Variants in TNS3 observed in about 807,000 individuals in gnomAD.
TNS3 encodes the protein tensin-3.
A neutral mutation model predicts 140.9 loss-of-function variants in TNS3; 45 were observed. The observed-to-expected ratio is 0.32, with a 90% CI of 0.25 to 0.41. TNS3 has a LOEUF of 0.41. Ranked by LOEUF, TNS3 falls within the 10% of genes least tolerant of loss-of-function variation. The probability of loss-of-function intolerance (pLI) is 1.00; values close to 1 mark genes in which losing one functional copy is unlikely to be tolerated. For synonymous variants in TNS3, 815 were observed against 788.4 expected (o/e 1.03, Z -0.56); for missense variants, 1,716 against 1,906.7 (o/e 0.90, Z 1.86).
At chr7:47,334,892 C>A (rs1259967103) in intron 20 of TNS3, among the ~76,000 whole-genome samples, 1 of 152,064 alleles carries the variant, frequency 6.6e-6, no homozygotes, top group Non-Finnish European at 1.5e-5. Context: ...CAGGCATGAG[C>A]CACTGCGCCT....
chr7:47,346,346 A>G lies in TNS3; in HGVS notation c.2292T>C (p.Ala764=). 1 of 1,614,082 alleles carries G rather than the reference A, an allele frequency of 6.2e-7. No homozygotes were observed. The highest frequency in any genetic ancestry group is 8.5e-7 in the Non-Finnish European group (1 of 1,179,976). ...SRATGRQGSS[A]EQPLGGRLRK... ...TGAGTCTCCCGCCCAGGGGCTGTTC[A>G]GCAGAGGAGCCTGTTAAAAGGGAGA... is the stretch of plus-strand genomic sequence containing the variant. Residue 764 remains alanine, a synonymous_variant, in exon 18 of 31, where the codon GCT becomes GCC. Coordinates refer to ENST00000311160, the MANE Select transcript of TNS3 (RefSeq NM_022748.12).
intron 1 of TNS3, among the ~76,000 whole-genome samples, chr7:47,536,157 GTTTGACCACTAAACT>G (rs1447402207): frequency 6.6e-6 from 1 of 152,202 alleles, no homozygotes; most frequent in Non-Finnish European, 1.5e-5. Flanking sequence ...AGGCAGCAGC[GTTTGACCACTAAACT>G]TTAAAAGGGA....
At chr7:47,561,291 T>A (rs145610363) in intron 1 of TNS3, among the ~76,000 whole-genome samples, 7 of 152,236 alleles carry the variant, frequency 4.6e-5, no homozygotes, top group Non-Finnish European at 1.0e-4. Context: ...TCACACTGCC[T>A]TTGGCCACCA....
At chr7:47,333,320 C>T (rs1788444369) in intron 20 of TNS3, among the ~76,000 whole-genome samples, 1 of 152,148 alleles carries the variant, frequency 6.6e-6, no homozygotes, top group African/African-American at 2.4e-5. Context: ...TTTGCTAATC[C>T]ACACCAGTTT....
At chr7:47,305,308 G>T (rs1271690999) in intron 20 of TNS3, among the ~76,000 whole-genome samples, 1 of 152,210 alleles carries the variant, frequency 6.6e-6, no homozygotes, top group African/African-American at 2.4e-5. Context: ...ACATTGGGCC[G>T]CCTGGGCTGG....
intron 3 of TNS3, among the ~76,000 whole-genome samples, chr7:47,484,936 T>C (rs910863814): frequency 8.5e-5 from 13 of 152,214 alleles, no homozygotes; most frequent in African/African-American, 2.2e-4. Flanking sequence ...TTAGCACTTA[T>C]GTTCTTAACA....
intron 3 of TNS3, among the ~76,000 whole-genome samples, chr7:47,492,488 G>A (rs1035351626): frequency 2.0e-5 from 3 of 152,218 alleles, no homozygotes; most frequent in Non-Finnish European, 2.9e-5. Context: ...CCACCTGTGA[G>A]CCTCAGCCCA....
chr7:47,338,472 G>A (rs79015412), intron 20 of TNS3, among the ~76,000 whole-genome samples: 5,951 of 152,132 alleles, frequency 0.039, 409 homozygotes, highest in African/African-American at 0.13. Flanking sequence ...CCACCTCTAC[G>A]TCCTCTTCAG....
chr7:47,340,968 C>A (rs1301446928), intron 20 of TNS3, among the ~76,000 whole-genome samples: 3 of 152,078 alleles, frequency 2.0e-5, no homozygotes, highest in Non-Finnish European at 4.4e-5. Context: ...TTTTGCCAAA[C>A]TCTTTTTATT....
At chr7:47,436,501 T>A (rs1795188077) in intron 7 of TNS3, among the ~76,000 whole-genome samples, 1 of 152,154 alleles carries the variant, frequency 6.6e-6, no homozygotes, top group Non-Finnish European at 1.5e-5. Flanking sequence ...AAAACCTAGA[T>A]GACAGGTTGA....
At chr7:47,394,691 C>T (rs1792724014) in intron 16 of TNS3, among the ~76,000 whole-genome samples, 1 of 152,244 alleles carries the variant, frequency 6.6e-6, no homozygotes, top group Admixed American at 6.5e-5. Context: ...ACACATAATT[C>T]CACAGATTCT....
intron 9 of TNS3, among the ~76,000 whole-genome samples, chr7:47,424,932 T>C (rs1794570086): frequency 6.6e-6 from 1 of 152,192 alleles, no homozygotes; most frequent in Admixed American, 6.5e-5. Flanking sequence ...AGCAGGGCAT[T>C]CATGGGATTT....
At chr7:47,533,123 A>ATATATTT (rs1186427934) in intron 1 of TNS3, among the ~76,000 whole-genome samples, 7 of 88,818 alleles carry the variant, frequency 7.9e-5, no homozygotes, top group African/African-American at 3.7e-4. Flanking sequence ...ATATATATAT[A>ATATATTT]TTTTTTTTTT....
chr7:47,346,007 G>A (rs577992440), intron 18 of TNS3, among the ~76,000 whole-genome samples, 180 bp downstream of exon 18: 2 of 152,320 alleles, frequency 1.3e-5, no homozygotes, highest in South Asian at 2.1e-4. Context: ...CAGCCACACC[G>A]CTTGCCAGGT....
intron 16 of TNS3, 132 bp downstream of exon 16, chr7:47,396,668 G>C: frequency 1.4e-6 from 1 of 740,650 alleles, no homozygotes; most frequent in Non-Finnish European, 2.4e-6. Context: ...ACGAAGGTGT[G>C]ATTCTGGACC....
At chr7:47,546,968 C>T (rs191057808) in intron 1 of TNS3, among the ~76,000 whole-genome samples, 57 of 152,372 alleles carry the variant, frequency 3.7e-4, no homozygotes, top group African/African-American at 1.2e-3. Flanking sequence ...CCCTCAGTCA[C>T]GCCCTGGGCT....
In TNS3 at chr7:47,304,852, G is replaced by A; in HGVS notation, c.2802C>T (p.Gly934=). The A allele has an allele frequency of 7.2e-7, 1 of 1,387,984 alleles. No homozygotes were observed. Among genetic ancestry groups the A allele is most frequent in the Non-Finnish European group, 9.4e-7 (1 of 1,059,976 alleles). The allele number at this position is 1,387,984 out of a possible 1,614,324, so 86.0% of individuals were successfully genotyped here. A position where few individuals can be genotyped will look rare whatever the true frequency, so the allele number is the denominator to read the frequency against. ...FASSCTISSN[G]PGQRRESSSS... is the part of the protein sequence containing the mutation. ...CTTACCTCTCTCTCCTCTGCCCAGG[G>A]CCGTTGCTGGAAATGGTGCAGGAAG... Residue 934 remains glycine (G), a synonymous_variant, in exon 21 of 31, where the codon GGC becomes GGT. Coordinates refer to ENST00000311160, the MANE Select transcript of TNS3 (RefSeq NM_022748.12).
At chr7:47,582,295 C>A, upstream of TNS3, 1 of 378,708 alleles carries the variant, frequency 2.6e-6, no homozygotes, top group Non-Finnish European at 5.2e-6. Flanking sequence ...GGTCCCCCGC[C>A]CTGCCGAGGT....
intron 17 of TNS3, among the ~76,000 whole-genome samples, chr7:47,347,039 C>T (rs1015946460): frequency 2.0e-5 from 3 of 152,080 alleles, no homozygotes; most frequent in African/African-American, 4.8e-5. Context: ...AACCTCTTCC[C>T]AGGGATTCTT....
Sources: gnomAD v4.1 joint callset for allele counts (sites outside exome capture counted in the v4.1 genomes callset) on GRCh38, gnomAD v4.1.1 for gene constraint, MANE v1.5 for transcripts, NCBI Gene and HGNC (gene_info 2026-07-23, HGNC 2026-07-21) for gene names.